Variants in NKAIN3 observed in about 807,000 individuals in gnomAD.
NKAIN3 encodes the protein sodium/potassium transporting ATPase interacting 3.
Under a neutral mutation model 30.2 loss-of-function variants are expected in NKAIN3, and 25 were observed. The ratio of observed to expected loss-of-function variants is 0.83; its 90% confidence interval spans 0.60 to 1.16. NKAIN3 has a LOEUF of 1.16. NKAIN3 is among the 50% of genes most tolerant of loss of function. NKAIN3 has a pLI of 0.00. For synonymous variants in NKAIN3, 91 were observed against 89.6 expected, an observed-to-expected ratio of 1.02 and a Z score of -0.09; for missense variants, 225 against 254.1, an observed-to-expected ratio of 0.89 and a Z score of 0.78.
At chr8:62,342,725 C>T (rs916976398) in intron 1 of NKAIN3, among the ~76,000 whole-genome samples, 3 of 152,078 alleles carry the variant, frequency 2.0e-5, no homozygotes, top group African/African-American at 7.2e-5. Context: ...CAGTGTGGCA[C>T]AGCTGCCCAC....
At chr8:62,414,860 T>A (rs193281741) in intron 1 of NKAIN3, among the ~76,000 whole-genome samples, 193 of 151,532 alleles carry the variant, frequency 1.3e-3, no homozygotes, top group African/African-American at 4.6e-3. Context: ...ATTATCAGAG[T>A]GAAAATTCAG....
chr8:62,831,114 A>G (rs912841400), intron 4 of NKAIN3, among the ~76,000 whole-genome samples: 2 of 152,192 alleles, frequency 1.3e-5, no homozygotes, highest in African/African-American at 4.8e-5. Context: ...TGAGTTACAC[A>G]GCCCAATATA....
rs561952470 is a variant in NKAIN3 at position 62,971,035 on chromosome 8, G to A, written c.*5628G>A. Among the ~76,000 whole-genome samples, 64 of 149,404 alleles carry A rather than the reference G, an allele frequency of 4.3e-4. No individual in the cohort carries two copies. Among genetic ancestry groups the A allele is most frequent in the African/African-American group, 1.5e-3 (59 of 40,330 alleles). On this transcript the variant is annotated 3_prime_UTR_variant, in exon 7 of 7. Transcript: ENST00000623646. ...TTCTGGAGACAGTCAGCAAAGAGCC[G>A]GATGTGATTTCCCTAGAGACAAGGA...
intron 1 of NKAIN3, among the ~76,000 whole-genome samples, chr8:62,269,268 T>C (rs1443692162): frequency 1.3e-5 from 2 of 152,326 alleles, no homozygotes; most frequent in African/African-American, 2.4e-5. Context: ...TCCTGGGCTA[T>C]GAAAAAACAT....
chr8:62,537,640 G>A lies in NKAIN3; in HGVS notation c.55-41899G>A, dbSNP rs147351039. The stretch of plus-strand genomic sequence containing the variant: ...ACTGCATTTTGTTATATCTAGTAAT[G>A]CTTTAATGCCCCCTTTTGTTTATTC... On this transcript the variant is annotated intron_variant, in intron 1 of 6. Transcript: ENST00000623646. Among the ~76,000 whole-genome samples the A allele has an allele frequency of 6.9e-3, 1,054 of 151,940 alleles. 11 individuals are homozygous for A. The highest frequency in any genetic ancestry group is 0.024 in the African/African-American group (1,009 of 41,452).
At chr8:62,585,192 C>T (rs542484800) in intron 2 of NKAIN3, among the ~76,000 whole-genome samples, 6 of 152,120 alleles carry the variant, frequency 3.9e-5, no homozygotes, top group Non-Finnish European at 8.8e-5. Context: ...AGCTGACTTA[C>T]TCCTCAAGAC....
At position 62,966,275 on chromosome 8, in the gene NKAIN3, C is replaced by T. The variant is rs1823711320; in HGVS notation, c.*868C>T. ...CAAAAGAAGCCTGAAAATGCTGTAG[C>T]ATTCTCTATAAATACTTCTAAAGGA... On this transcript the variant is annotated 3_prime_UTR_variant, in exon 7 of 7. Transcript: ENST00000623646. The T allele has an allele frequency of 1.0e-6, 1 of 985,134 alleles. No homozygotes were observed. The highest frequency in any genetic ancestry group is 4.7e-5 in the South Asian group (1 of 21,278). The allele number at this position is 985,134 out of a possible 1,614,324, so 61.0% of individuals were successfully genotyped here.
intron 1 of NKAIN3, among the ~76,000 whole-genome samples, chr8:62,559,348 G>A (rs1014074698): frequency 6.6e-6 from 1 of 151,944 alleles, no homozygotes; most frequent in Non-Finnish European, 1.5e-5. Context: ...ATAACATACA[G>A]ATGTGTTTTT....
chr8:62,259,312 A>G (rs1812357713), intron 1 of NKAIN3, among the ~76,000 whole-genome samples: 2 of 152,248 alleles, frequency 1.3e-5, no homozygotes, highest in African/African-American at 2.4e-5. Context: ...GAAAAAGAGG[A>G]GAGATTTTCC....
At chr8:62,701,740 A>G in intron 3 of NKAIN3, among the ~76,000 whole-genome samples, 1 of 152,190 alleles carries the variant, frequency 6.6e-6, no homozygotes, top group East Asian at 1.9e-4. Context: ...GCCAGAGGGA[A>G]AAACAAATAT....
rs915760218 is a variant in NKAIN3, at chr8:62,969,436, T to C, written c.*4029T>C. On this transcript the variant is annotated 3_prime_UTR_variant, in exon 7 of 7. Transcript: ENST00000623646. ...TCAATCTTTGCAAATTAAAAAGGAA[T>C]CTTGCCAAGAATAAACAAATCTTCA... Among the ~76,000 whole-genome samples the C allele has an allele frequency of 1.3e-5, 2 of 152,204 alleles. No individual in the cohort carries two copies. The highest frequency in any genetic ancestry group is 4.8e-5 in the African/African-American group (2 of 41,468).
rs1823702814 is a variant in NKAIN3 at position 62,966,033 on chromosome 8, C to A, written c.*626C>A. ...TCAGATTCGTGCATATCTTGTTTTT[C>A]CTGATATATATATATATGTAGGCAC... On this transcript the variant is annotated 3_prime_UTR_variant, in exon 7 of 7. Transcript: ENST00000623646. The A allele has an allele frequency of 3.1e-6, 3 of 982,204 alleles. No homozygotes were observed. The highest frequency in any genetic ancestry group is 3.6e-6 in the Non-Finnish European group (3 of 827,426). 60.8% of individuals were successfully genotyped at this position (982,204 alleles called of 1,614,324 possible).
intron 3 of NKAIN3, among the ~76,000 whole-genome samples, chr8:62,731,806 C>T (rs969899864): frequency 6.6e-6 from 1 of 152,190 alleles, no homozygotes; most frequent in Admixed American, 6.5e-5. Context: ...GATCCAGTTT[C>T]TTTTCATCCC....
At chr8:62,548,138 C>G (rs761691242) in intron 1 of NKAIN3, among the ~76,000 whole-genome samples, 9 of 152,190 alleles carry the variant, frequency 5.9e-5, no homozygotes, top group Non-Finnish European at 1.0e-4. Context: ...TACCTGCACA[C>G]AAGTGAACAG....
chr8:62,829,512 A>T (rs886402137), intron 4 of NKAIN3, among the ~76,000 whole-genome samples: 6 of 152,232 alleles, frequency 3.9e-5, no homozygotes, highest in Non-Finnish European at 7.3e-5. Flanking sequence ...GTTCTACAAG[A>T]CAAAATAGAG....
At chr8:62,503,284 TA>T (rs1302912412) in intron 1 of NKAIN3, among the ~76,000 whole-genome samples, 13 of 152,238 alleles carry the variant, frequency 8.5e-5, no homozygotes, top group African/African-American at 2.9e-4. Context: ...AGCAAGTTTT[TA>T]TTAGGGATTT....
At chr8:62,337,347 T>C (rs796218423) in intron 1 of NKAIN3, among the ~76,000 whole-genome samples, 1 of 151,946 alleles carries the variant, frequency 6.6e-6, no homozygotes, top group African/African-American at 2.4e-5. Flanking sequence ...TCACCTTAGT[T>C]CACTGATGAA....
intron 1 of NKAIN3, among the ~76,000 whole-genome samples, chr8:62,363,402 GA>G: frequency 6.6e-6 from 1 of 152,154 alleles, no homozygotes; most frequent in South Asian, 2.1e-4. Flanking sequence ...CCTTATAGTA[GA>G]ACAGTAGGTA....
At chr8:62,268,841 T>A (rs1047769947) in intron 1 of NKAIN3, among the ~76,000 whole-genome samples, 1 of 152,130 alleles carries the variant, frequency 6.6e-6, no homozygotes, top group Non-Finnish European at 1.5e-5. Context: ...TTGGGTAGCT[T>A]GTATATGCAT....
Sources: allele counts gnomAD v4.1 joint callset (sites outside exome capture counted in the v4.1 genomes callset), GRCh38; gene constraint gnomAD v4.1.1; transcripts MANE v1.5; gene names NCBI Gene and HGNC (gene_info 2026-07-23, HGNC 2026-07-21).